The following PALLD variants were observed in gnomAD, a reference collection of about 807,000 sequenced individuals.
The protein encoded by PALLD is palladin.
PALLD carries 61 observed loss-of-function variants against 123.5 expected under a neutral mutation model. That is an observed-to-expected ratio of 0.49 (90% confidence interval 0.40 to 0.61). The LOEUF (loss-of-function observed/expected upper bound fraction) is 0.61, where lower values mean the gene tolerates loss of function less well. Among genes scored for constraint, PALLD ranks in the 20% least tolerant of loss-of-function variants. The pLI is 0.00. For synonymous variants in PALLD, 465 were observed against 496.4 expected (o/e 0.94, Z 0.84); for missense variants, 1,273 against 1,377.0 (o/e 0.92, Z 1.20).
chr4:168,727,832 A>G (rs1276157581), intron 10 of PALLD, among the ~76,000 whole-genome samples: 6 of 152,186 alleles, frequency 3.9e-5, no homozygotes, highest in East Asian at 1.9e-4. Flanking sequence ...TAGGATTGTT[A>G]TAGTTTGAGG....
intron 2 of PALLD, among the ~76,000 whole-genome samples, chr4:168,581,295 C>A (rs1770249138): frequency 1.3e-5 from 2 of 150,872 alleles, no homozygotes; most frequent in African/African-American, 4.9e-5. Flanking sequence ...GGATTTTATG[C>A]TAGTTCTATT....
At chr4:168,753,291 C>A (rs1731314915) in intron 10 of PALLD, among the ~76,000 whole-genome samples, 1 of 151,962 alleles carries the variant, frequency 6.6e-6, no homozygotes, top group African/African-American at 2.4e-5. Context: ...CATTTTGGCC[C>A]CAAGTTTAGA....
chr4:168,895,056 G>A (rs1171044673), intron 12 of PALLD, among the ~76,000 whole-genome samples: 1 of 152,048 alleles, frequency 6.6e-6, no homozygotes, highest in Admixed American at 6.6e-5. Flanking sequence ...TGAACAACAC[G>A]GGAGTTAGGG....
chr4:168,588,017 G>A (rs988731665), intron 2 of PALLD, among the ~76,000 whole-genome samples: 3 of 152,168 alleles, frequency 2.0e-5, no homozygotes, highest in Non-Finnish European at 4.4e-5. Context: ...CAGAAACTCC[G>A]TTGAGTCATT....
intron 8 of PALLD, chr4:168,700,074 C>T (rs1208460654): frequency 6.1e-6 from 2 of 326,328 alleles, no homozygotes; most frequent in Admixed American, 6.2e-5. Flanking sequence ...TTCAGTATTA[C>T]AACCTGGCTC....
At chr4:168,527,071 T>C (rs1764119328) in intron 2 of PALLD, among the ~76,000 whole-genome samples, 1 of 152,178 alleles carries the variant, frequency 6.6e-6, no homozygotes, top group Middle Eastern at 3.2e-3. Context: ...GGCATTTGTC[T>C]CAGCTCTCTG....
chr4:168,855,085 T>A (rs1748379323), intron 10 of PALLD, among the ~76,000 whole-genome samples: 1 of 124,944 alleles, frequency 8.0e-6, no homozygotes, highest in South Asian at 2.6e-4. Context: ...TGAGAAGGAA[T>A]GTTCTTTTTT....
chr4:168,890,336 T>C (rs974773475), intron 10 of PALLD, among the ~76,000 whole-genome samples: 1 of 152,102 alleles, frequency 6.6e-6, no homozygotes, highest in Non-Finnish European at 1.5e-5. Flanking sequence ...TTGTATAAAA[T>C]AGACCTCAAA....
chr4:168,519,142 C>T lies in PALLD; in HGVS notation c.908+6730C>T, dbSNP rs867393323. On this transcript the variant is annotated intron_variant, in intron 2 of 21. Transcript: ENST00000505667. Reference sequence around the variant, plus strand: ...TTTCAGGCTTACGGATGTAGTAGTACAGAGAAATGTGTGGGAATGAGGAAC... The same window carrying T: ...TTTCAGGCTTACGGATGTAGTAGTATAGAGAAATGTGTGGGAATGAGGAAC... Among the ~76,000 whole-genome samples the T allele has an allele frequency of 3.4e-4, 52 of 152,260 alleles. No individual in the cohort carries two copies. In the South Asian group the frequency reaches 0.01, roughly 30 times the overall value.
At chr4:168,801,683 T>A (rs1739358070) in intron 10 of PALLD, among the ~76,000 whole-genome samples, 1 of 152,140 alleles carries the variant, frequency 6.6e-6, no homozygotes, top group South Asian at 2.1e-4. Context: ...AAGTAGGATA[T>A]CACTAAGAAT....
At chr4:168,500,188 T>C (rs1298083374) in intron 1 of PALLD, among the ~76,000 whole-genome samples, 3 of 152,206 alleles carry the variant, frequency 2.0e-5, no homozygotes, top group Non-Finnish European at 4.4e-5. Flanking sequence ...TCCAAGCTGT[T>C]ATGTAGGAAC....
At chr4:168,768,069 G>A (rs560287256) in intron 10 of PALLD, among the ~76,000 whole-genome samples, 47 of 152,232 alleles carry the variant, frequency 3.1e-4, no homozygotes, top group African/African-American at 1.0e-3. Context: ...CCTTCAAGAC[G>A]TAGTTCAAAT....
At chr4:168,576,552 C>T (rs560341410) in intron 2 of PALLD, among the ~76,000 whole-genome samples, 13 of 152,244 alleles carry the variant, frequency 8.5e-5, no homozygotes, top group African/African-American at 2.2e-4. Context: ...CATGTCCCTA[C>T]AAAGGACATG....
At chr4:168,636,744 A>C (rs1776383874) in intron 2 of PALLD, among the ~76,000 whole-genome samples, 3 of 152,190 alleles carry the variant, frequency 2.0e-5, no homozygotes, top group Non-Finnish European at 4.4e-5. Flanking sequence ...TATTTTGAAA[A>C]GAAAATATCA....
intron 10 of PALLD, among the ~76,000 whole-genome samples, chr4:168,722,548 A>G (rs942535503): frequency 4.6e-5 from 7 of 152,326 alleles, no homozygotes; most frequent in African/African-American, 1.7e-4. Flanking sequence ...GAGGAAAGAC[A>G]GTTGTGGTAA....
chr4:168,656,032 A>G (rs553284207), intron 2 of PALLD, among the ~76,000 whole-genome samples: 5 of 152,268 alleles, frequency 3.3e-5, no homozygotes, highest in South Asian at 2.1e-4. Flanking sequence ...ATTGTATTTC[A>G]GTGGACAGGT....
chr4:168,798,506 C>G (rs2102088), intron 10 of PALLD, among the ~76,000 whole-genome samples: 1 of 152,002 alleles, frequency 6.6e-6, no homozygotes, highest in East Asian at 1.9e-4. Context: ...ATTTTCTTAC[C>G]GCTTCTACTA....
At chr4:168,793,855 A>G (rs900555022) in intron 10 of PALLD, among the ~76,000 whole-genome samples, 4 of 152,136 alleles carry the variant, frequency 2.6e-5, no homozygotes, top group Admixed American at 1.3e-4. Context: ...TCAGAAACAG[A>G]TCATTCTCAG....
intron 10 of PALLD, among the ~76,000 whole-genome samples, chr4:168,772,737 C>T (rs929509563): frequency 6.6e-6 from 1 of 152,114 alleles, no homozygotes; most frequent in African/African-American, 2.4e-5. Flanking sequence ...CTCTGTATTT[C>T]CAGGGCTCAG....
Sources: gnomAD v4.1 joint callset for allele counts (sites outside exome capture counted in the v4.1 genomes callset) on GRCh38, gnomAD v4.1.1 for gene constraint, MANE v1.5 for transcripts, NCBI Gene and HGNC (gene_info 2026-07-23, HGNC 2026-07-21) for gene names.